The following ARAP1 variants were observed in gnomAD, a reference collection of about 807,000 sequenced individuals.
ARAP1 encodes the protein ArfGAP with RhoGAP domain, ankyrin repeat and PH domain 1.
ARAP1 carries 76 observed loss-of-function variants against 172.2 expected under a neutral mutation model. The observed-to-expected ratio is 0.44, with a 90% CI of 0.37 to 0.53. ARAP1 has a LOEUF of 0.53. Ranked by LOEUF, ARAP1 falls within the 20% of genes least tolerant of loss-of-function variation. The probability of loss-of-function intolerance (pLI) is 0.00; values close to 1 mark genes in which losing one functional copy is unlikely to be tolerated. For missense variants in ARAP1, 1,686 were observed against 1,977.5 expected (o/e 0.85, Z 2.80); for synonymous variants, 804 against 803.3 (o/e 1.00, Z -0.01).
chr11:72,713,086 ACT>A, intron 5 of ARAP1, 88 bp downstream of exon 5: 2 of 1,359,872 alleles, frequency 1.5e-6, no homozygotes, highest in South Asian at 1.2e-5. Context: ...ATGGCTGCCC[ACT>A]CTCTGTCTGG....
At chr11:72,713,643 C>G (rs180737076) in intron 4 of ARAP1, among the ~76,000 whole-genome samples, 197 of 152,098 alleles carry the variant, frequency 1.3e-3, no homozygotes, top group Middle Eastern at 3.4e-3. Flanking sequence ...CTCAGGAGAT[C>G]GAGACCATCC....
Position 72,711,034 on chromosome 11 carries a change from C to A in ARAP1, c.1200G>T (p.Arg400=), listed in dbSNP as rs760836415. 1.9e-6 allele frequency: 3 copies of A among 1,614,230 alleles called. No individual in the cohort carries two copies. The highest frequency in any genetic ancestry group is 2.2e-5 in the South Asian group (2 of 91,084). The change falls in exon 9 of 35, where the codon CGG becomes CGT. Residue 400 remains arginine (R), a synonymous_variant. Transcript: ENST00000393609. ...CACACTCCCCACCATCACTCTCTGCCCGGAAGGCAAAGGTTCGGTTGTTTG... is the reference window on the plus strand; with the variant it reads ...CACACTCCCCACCATCACTCTCTGCACGGAAGGCAAAGGTTCGGTTGTTTG... ...VITNNRTFAF[R]AESDVERKEW... is the part of the protein sequence containing the mutation.
Position 72,712,511 on chromosome 11 carries a change from C to T in ARAP1, c.805G>A (p.Glu269Lys), listed in dbSNP as rs144638314. The change falls in exon 6 of 35, where the codon GAG becomes AAG. Residue 269 changes from glutamate to lysine, a missense_variant. By Grantham distance (56) the Glu-to-Lys change is moderately conservative (BLOSUM62 1). Coordinates refer to ENST00000393609, the MANE Select transcript of ARAP1 (RefSeq NM_001040118.3). ...RAVRVASLLS[E>K]GEELSGDDQG... is the part of the protein sequence containing the mutation. The stretch of plus-strand genomic sequence containing the variant: ...TCGTCCCCAGACAGTTCCTCTCCCT[C>T]GCTCAGCAGACTGGCCACGCGCACG... 1.2e-6 allele frequency: 2 copies of T among 1,613,598 alleles called. No individual in the cohort carries two copies. Among genetic ancestry groups the T allele is most frequent in the South Asian group, 1.1e-5 (1 of 91,026 alleles).
At chr11:72,712,797 A>G in intron 5 of ARAP1, 1 of 647,838 alleles carries the variant, frequency 1.5e-6, no homozygotes, top group Non-Finnish European at 2.7e-6. Context: ...AGACAAAAAC[A>G]GAAAGATAAA....
chr11:72,751,805 C>T (rs1246148813), intron 1 of ARAP1, among the ~76,000 whole-genome samples: 7 of 152,138 alleles, frequency 4.6e-5, no homozygotes, highest in Non-Finnish European at 8.8e-5. Context: ...CACCCCACTC[C>T]CAGCGTGACC....
chr11:72,744,935 A>G, intron 1 of ARAP1, among the ~76,000 whole-genome samples: 1 of 152,236 alleles, frequency 6.6e-6, no homozygotes, highest in South Asian at 2.1e-4. Context: ...AGAAAGAGAC[A>G]GAAGGAAGAG....
intron 3 of ARAP1, among the ~76,000 whole-genome samples, chr11:72,721,527 T>C (rs1857511732): frequency 6.6e-6 from 1 of 152,102 alleles, no homozygotes; most frequent in Non-Finnish European, 1.5e-5. Flanking sequence ...AGGAGTATTC[T>C]GTGGGGCAGA....
intron 13 of ARAP1, chr11:72,705,108 T>TCCAA (rs1856696156): frequency 2.6e-5 from 4 of 152,240 alleles, no homozygotes; most frequent in Non-Finnish European, 5.9e-5. Flanking sequence ...GAGAAACGGA[T>TCCAA]GTGACACTCC....
intron 3 of ARAP1, chr11:72,722,054 C>T (rs1857535655): frequency 1.0e-6 from 1 of 985,584 alleles, no homozygotes; most frequent in African/African-American, 1.7e-5. Context: ...TGGCTTTGCA[C>T]CTGTGATTTA....
chr11:72,704,395 A>C, intron 13 of ARAP1, 61 bp from the exon 14 acceptor site: 2 of 1,473,534 alleles, frequency 1.4e-6, no homozygotes, highest in South Asian at 1.4e-5. Flanking sequence ...TGCCGGGCAG[A>C]AACTTGGTTT....
At chr11:72,704,492 T>A in intron 13 of ARAP1, 158 bp from the exon 14 acceptor site, 1 of 761,992 alleles carries the variant, frequency 1.3e-6, no homozygotes, top group Non-Finnish European at 2.0e-6. Flanking sequence ...GGCCTGCTGG[T>A]GGCTGGGGAT....
At chr11:72,713,313 G>T in intron 4 of ARAP1, 70 bp from the exon 5 acceptor site, 1 of 1,415,684 alleles carries the variant, frequency 7.1e-7, no homozygotes, top group Non-Finnish European at 9.9e-7. Context: ...ACCACACTGG[G>T]CTTCACAAAG....
Position 72,729,389 on chromosome 11 carries a change from T to G in ARAP1, c.-44-2217A>C, listed in dbSNP as rs549249368. ...GGCAGATCCCCTGAGGTCAGGAGTT[T>G]GAGACCAGCTTGGCCAACACGGCAA... On this transcript the variant is annotated intron_variant, in intron 2 of 34. Transcript: ENST00000393609. Among the ~76,000 whole-genome samples the G allele has an allele frequency of 2.0e-5, 3 of 152,266 alleles. No individual in the cohort carries two copies. In the South Asian group the frequency reaches 6.2e-4, roughly 32 times the overall value.
In ARAP1 at chr11:72,741,497, C is replaced by T. The variant is rs1267508571; in HGVS notation, c.-127-8900G>A. 6.6e-6 allele frequency among the ~76,000 whole-genome samples: 1 copy of T among 152,180 alleles called. No individual in the cohort carries two copies. Among genetic ancestry groups the T allele is most frequent in the Non-Finnish European group, 1.5e-5 (1 of 68,020 alleles). On this transcript the variant is annotated intron_variant, in intron 1 of 34. Transcript: ENST00000393609. The surrounding 1 kb of genome is among the most constrained non-coding windows in gnomAD (Gnocchi z 4.5). Reference sequence around the variant, plus strand: ...GCTCCCTGGCCCTCAGGCACAGACACACTCTACAGGGGCTGGGGACTTCCT... The same window carrying T: ...GCTCCCTGGCCCTCAGGCACAGACATACTCTACAGGGGCTGGGGACTTCCT...
In ARAP1 at chr11:72,693,452, G is replaced by A; in HGVS notation, c.3827C>T (p.Thr1276Ile). The change falls in exon 29 of 35, where the codon ACC (threonine) becomes ATC (isoleucine). Residue 1276 changes from threonine to isoleucine, a missense_variant. This residue lies in a region of ARAP1 where 379 missense variants were observed against 500.1 expected (regional missense o/e 0.76). Transcript: ENST00000393609. This position sits in a 1 kb window ranked among gnomAD's most constrained non-coding sequence, Gnocchi z 4.6. ...ACGGAACTTCATCATGCCATGCTTGGTGTCACCGACACGGCTGGCTGGGGG... is the reference window on the plus strand; with the variant it reads ...ACGGAACTTCATCATGCCATGCTTGATGTCACCGACACGGCTGGCTGGGGG... The part of the protein sequence containing the change: ...LLYLASRVGD[T>I]KHGMMKFRED... 2 of 1,613,570 alleles carry A rather than the reference G, an allele frequency of 1.2e-6. No homozygotes were observed. Among genetic ancestry groups the A allele is most frequent in the South Asian group, 1.1e-5 (1 of 91,080 alleles).
chr11:72,712,455 G>A lies in ARAP1; in HGVS notation c.861C>T (p.Ala287=), dbSNP rs1205122570. The change falls in exon 6 of 35, where the codon GCC becomes GCT. Residue 287 remains alanine, a synonymous_variant. Transcript: ENST00000393609. ...ACACTCACTTGGGGACGCCCTCATAGGCGTGGTCATCCTCTTCCTCATCCC... is the reference window on the plus strand; with the variant it reads ...ACACTCACTTGGGGACGCCCTCATAAGCGTGGTCATCCTCTTCCTCATCCC... ...DQGDEEEDDH[A]YEGVPNGGWH... 1.9e-6 allele frequency: 3 copies of A among 1,594,736 alleles called. No individual in the cohort carries two copies. The highest frequency in any genetic ancestry group is 2.7e-5 in the African/African-American group (2 of 74,546).
intron 2 of ARAP1, among the ~76,000 whole-genome samples, chr11:72,728,500 G>A (rs1232707008): frequency 6.6e-6 from 1 of 152,128 alleles, no homozygotes; most frequent in Non-Finnish European, 1.5e-5. Context: ...AGAATTGCTT[G>A]AACCCAGGAG....
chr11:72,686,631 ACT>A (rs1855698318), intron 33 of ARAP1, among the ~76,000 whole-genome samples: 2 of 150,940 alleles, frequency 1.3e-5, no homozygotes, highest in African/African-American at 2.4e-5. Context: ...CACTTTAAAA[ACT>A]CTGTGTCTTA....
Position 72,711,102 on chromosome 11 carries a change from A to T in ARAP1, c.1132T>A (p.Ser378Thr), listed in dbSNP as rs1351356732. The T allele has an allele frequency of 6.2e-7, 1 of 1,614,196 alleles. No homozygotes were observed. The highest frequency in any genetic ancestry group is 8.5e-7 in the Non-Finnish European group (1 of 1,180,038). ...SKRFISVACI[S>T]HVAAIGDQKF... The stretch of plus-strand genomic sequence containing the variant: ...TGGTCCCCGATGGCAGCCACGTGGG[A>T]GATGCAGGCCACAGAGATAAAGCGC... Residue 378 changes from serine (S) to threonine (T), a missense_variant, in exon 9 of 35, where the codon TCC becomes ACC. Ser to Thr is a moderately conservative substitution (Grantham distance 58, BLOSUM62 1). This residue lies in a region of ARAP1 where 688 missense variants were observed against 856.9 expected (regional missense o/e 0.80). Coordinates refer to ENST00000393609, the MANE Select transcript of ARAP1 (RefSeq NM_001040118.3).
Sources: allele counts gnomAD v4.1 joint callset (sites outside exome capture counted in the v4.1 genomes callset), GRCh38; gene constraint gnomAD v4.1.1; regional missense constraint gnomAD v4.1.1; non-coding constraint Gnocchi (gnomAD v3.1); transcripts MANE v1.5; gene names NCBI Gene and HGNC (gene_info 2026-07-23, HGNC 2026-07-21).